PSIP1: variants seen among roughly 807,000 people sequenced by gnomAD.
PSIP1 encodes PC4 and SRSF1 interacting protein 1.
Under a neutral mutation model 74.7 loss-of-function variants are expected in PSIP1, and 19 were observed. The ratio of observed to expected loss-of-function variants is 0.25; its 90% CI spans 0.18 to 0.37. The LOEUF is 0.37. Ranked by LOEUF, PSIP1 falls within the 10% of genes least tolerant of loss-of-function variation. PSIP1 has a pLI of 1.00. For synonymous variants in PSIP1, 222 were observed against 195.3 expected (o/e 1.14, Z -1.14); for missense variants, 601 against 614.3 (o/e 0.98, Z 0.23).
At chr9:15,499,281 A>C (rs1040784430) in intron 3 of PSIP1, among the ~76,000 whole-genome samples, 2 of 152,190 alleles carry the variant, frequency 1.3e-5, no homozygotes, top group African/African-American at 4.8e-5. Context: ...GACCTCAAAT[A>C]CCAATGTCAA....
chr9:15,494,785 C>T (rs1455458769), intron 3 of PSIP1, among the ~76,000 whole-genome samples: 1 of 152,062 alleles, frequency 6.6e-6, no homozygotes, highest in East Asian at 1.9e-4. Context: ...TCATCTCATT[C>T]CATCAAAAAC....
chr9:15,467,304 G>A lies in PSIP1; in HGVS notation c.1421-445C>T, dbSNP rs143425742. 1.6e-4 allele frequency among the ~76,000 whole-genome samples: 24 copies of A among 152,208 alleles called. 1 individual carries two copies. Among genetic ancestry groups the A allele is most frequent in the Admixed American group, 1.5e-3 (23 of 15,296 alleles). ...GGAGTATTTCCTAATTGATATTTTT[G>A]TGCCTAATAAAGGGGGTTTTCCTGT... On this transcript the variant is annotated intron_variant, in intron 14 of 15. Transcript: ENST00000380733.
chr9:15,488,822 C>G (rs541708055), intron 4 of PSIP1, among the ~76,000 whole-genome samples: 1 of 152,058 alleles, frequency 6.6e-6, no homozygotes, highest in South Asian at 2.1e-4. Flanking sequence ...GAGATCGAGA[C>G]CATCCTGGCT....
intron 9 of PSIP1, among the ~76,000 whole-genome samples, chr9:15,473,292 T>TAAG (rs1491451123): frequency 6.6e-6 from 1 of 152,204 alleles, no homozygotes; most frequent in East Asian, 1.9e-4. Flanking sequence ...TGAAGGGTGT[T>TAAG]AAGAACTTCT....
chr9:15,475,588 A>G (rs1011672580), intron 8 of PSIP1, among the ~76,000 whole-genome samples: 1 of 152,212 alleles, frequency 6.6e-6, no homozygotes, highest in Non-Finnish European at 1.5e-5. Context: ...CTATCCATAC[A>G]TAGGATAGAT....
chr9:15,476,966 T>C (rs112061713), intron 8 of PSIP1, among the ~76,000 whole-genome samples: 2 of 152,044 alleles, frequency 1.3e-5, no homozygotes, highest in Non-Finnish European at 2.9e-5. Context: ...ACTGAAAAAG[T>C]AGAGAAGTTC....
At chr9:15,501,786 C>T (rs1192696977) in intron 3 of PSIP1, among the ~76,000 whole-genome samples, 3 of 148,754 alleles carry the variant, frequency 2.0e-5, no homozygotes, top group East Asian at 2.0e-4. Flanking sequence ...TATCCTTCCT[C>T]GACCCCTGCA....
intron 9 of PSIP1, 94 bp downstream of exon 9, chr9:15,473,915 C>CAAAAAAAAAAACA (rs1194425889): frequency 1.2e-5 from 7 of 600,578 alleles, no homozygotes; most frequent in East Asian, 4.3e-5. Flanking sequence ...AAAAAAAAAA[C>CAAAAAAAAAAACA]AAAAAAAAAA....
At chr9:15,510,591 G>A (rs2277191) in intron 1 of PSIP1, among the ~76,000 whole-genome samples, 5,769 of 152,064 alleles carry the variant, frequency 0.038, 191 homozygotes, top group East Asian at 0.094. Context: ...TTTTTCCACC[G>A]AGCTTAAGCC....
chr9:15,466,434 T>A (rs1245510139), intron 15 of PSIP1, among the ~76,000 whole-genome samples: 1 of 152,186 alleles, frequency 6.6e-6, no homozygotes, highest in Non-Finnish European at 1.5e-5. Flanking sequence ...TTTACAATTA[T>A]CCTTTCACAA....
chr9:15,502,474 C>G (rs1241880143), intron 3 of PSIP1, among the ~76,000 whole-genome samples: 1 of 152,148 alleles, frequency 6.6e-6, no homozygotes, highest in African/African-American at 2.4e-5. Context: ...CAGGGTCTTA[C>G]TATGTTACAA....
At chr9:15,482,182 C>T (rs1390867857) in intron 6 of PSIP1, among the ~76,000 whole-genome samples, 1 of 152,102 alleles carries the variant, frequency 6.6e-6, no homozygotes, top group Non-Finnish European at 1.5e-5. Flanking sequence ...TTCATAAGTC[C>T]TCCACATCCT....
In PSIP1 at chr9:15,489,008, G is replaced by T. The variant is rs369949951; in HGVS notation, c.288+978C>A. ...TGCACCCCAGCCTGGGCGACAGAGCGAGACTCCTCTCAAAAAAAATAAATT... is the reference window on the plus strand; with the variant it reads ...TGCACCCCAGCCTGGGCGACAGAGCTAGACTCCTCTCAAAAAAAATAAATT... On this transcript the variant is annotated intron_variant, in intron 4 of 15. Transcript: ENST00000380733. Among the ~76,000 whole-genome samples, 5 of 152,008 alleles carry T rather than the reference G, an allele frequency of 3.3e-5. No individual in the cohort carries two copies. In the South Asian group the frequency reaches 1.0e-3, roughly 32 times the overall value.
chr9:15,472,477 A>G (rs2035880850), intron 10 of PSIP1, 155 bp downstream of exon 10: 1 of 1,399,742 alleles, frequency 7.1e-7, no homozygotes, highest in East Asian at 2.8e-5. Context: ...GCCTGAAATA[A>G]GATCATCATC....
In PSIP1 at chr9:15,474,028, TCTC is replaced by T. The variant is rs751308165; in HGVS notation, c.836_838del (p.Gly279del). 65 of 1,613,020 alleles carry T rather than the reference TCTC, an allele frequency of 4.0e-5. No homozygotes were observed. The highest frequency in any genetic ancestry group is 1.3e-4 in the East Asian group (6 of 44,836). ...TTATACCTTTTCACCTTCTTGATCA[TCTC>T]CTTCTTCTTCAGAATCGGAGGTTGA... On this transcript the variant is annotated inframe_deletion, in exon 9 of 16. Coordinates refer to ENST00000380733, the MANE Select transcript of PSIP1 (RefSeq NM_033222.5).
In PSIP1 at chr9:15,472,767, G is replaced by A; in HGVS notation, c.859-17C>T. On this transcript the variant is annotated splice_polypyrimidine_tract_variant and intron_variant, in intron 9 of 15. Coordinates refer to ENST00000380733, the MANE Select transcript of PSIP1 (RefSeq NM_033222.5). ...TTTTCTCTTCTGTTTTGAGAATTAG[G>A]ATGGTTTTATTTAACTATAAAGTCA... 2 of 1,593,690 alleles carry A rather than the reference G, an allele frequency of 1.3e-6. No individual in the cohort carries two copies. The highest frequency in any genetic ancestry group is 1.7e-6 in the Non-Finnish European group (2 of 1,171,764).
rs201370205 is a variant in PSIP1 at position 15,469,056 on chromosome 9, A to C, written c.1107T>G (p.Asp369Glu). Residue 369 changes from aspartate (D) to glutamate (E), a missense_variant and splice_region_variant, in exon 13 of 16, where the codon GAT (aspartate) becomes GAG (glutamate). Transcript: ENST00000380733. ...IKNSLKIDNL[D>E]VNRCIEALDE... is the part of the protein sequence containing the mutation. ...CCAAGGCCTCAATGCATCTGTTCAC[A>C]TCCTTCATGACAAAACAGTAATTTC... 16 of 1,612,448 alleles carry C rather than the reference A, an allele frequency of 9.9e-6. No homozygotes were observed. The African/African-American group carries it at 2.1e-4, about 22-fold the overall frequency.
In PSIP1 at chr9:15,466,984, A is replaced by C. The variant is rs1427145036; in HGVS notation, c.1421-125T>G. On this transcript the variant is annotated intron_variant, in intron 14 of 15. Transcript: ENST00000380733. ...GTGTTTCTACTACTTAATGTCTTTTATTTGAAATTACATTGTAATACAGCC... is the reference window on the plus strand; with the variant it reads ...GTGTTTCTACTACTTAATGTCTTTTCTTTGAAATTACATTGTAATACAGCC... The C allele has an allele frequency of 1.0e-5, 7 of 699,296 alleles. No individual in the cohort carries two copies. In the East Asian group the frequency reaches 1.4e-4, roughly 14 times the overall value. 43.3% of individuals were successfully genotyped at this position (699,296 alleles called of 1,614,324 possible).
intron 7 of PSIP1, 80 bp from the exon 8 acceptor site, chr9:15,478,632 G>T: frequency 1.0e-6 from 1 of 962,078 alleles, no homozygotes; most frequent in Non-Finnish European, 1.7e-6. Flanking sequence ...TATTAGAAAT[G>T]ATACATACTA....
Sources: gnomAD v4.1 joint callset for allele counts (sites outside exome capture counted in the v4.1 genomes callset) on GRCh38, gnomAD v4.1.1 for gene constraint, MANE v1.5 for transcripts, NCBI Gene and HGNC (gene_info 2026-07-23, HGNC 2026-07-21) for gene names.